The following LRRC74A variants were observed in gnomAD, a reference collection of about 807,000 sequenced individuals.
The protein encoded by LRRC74A is leucine rich repeat containing 74A.
LRRC74A carries 44 observed loss-of-function variants against 57.9 expected under a neutral mutation model. That is an observed-to-expected ratio of 0.76 (90% CI 0.60 to 0.98). LRRC74A has a LOEUF of 0.98. Ranked by LOEUF, LRRC74A falls within the 50% of genes least tolerant of loss-of-function variation. The probability of loss-of-function intolerance (pLI) is 0.00; values close to 1 mark genes in which losing one functional copy is unlikely to be tolerated. For missense variants in LRRC74A, 572 were observed against 574.0 expected, an observed-to-expected ratio of 1.00 and a Z score of 0.04; for synonymous variants, 211 against 219.4, an observed-to-expected ratio of 0.96 and a Z score of 0.34.
rs1895951916 is a variant in LRRC74A, at chr14:76,831,281, C to G, written c.245C>G (p.Ser82Cys). The G allele has an allele frequency of 5.6e-6, 9 of 1,614,054 alleles. No individual in the cohort carries two copies. Among genetic ancestry groups the G allele is most frequent in the Non-Finnish European group, 6.8e-6 (8 of 1,179,898 alleles). ...AAGCTGATGGGTGTAGTGCCTGTCT[C>G]CTACTTCATTCGGAACATGGAGGAG... ...ACKLMGVVPVSYFIRNMEESY... is the reference protein window; with the variant it reads ...ACKLMGVVPVCYFIRNMEESY... Residue 82 changes from serine (S) to cysteine (C), a missense_variant, in exon 3 of 14, where the codon TCC (serine) becomes TGC (cysteine). Coordinates refer to ENST00000689127, the MANE Select transcript of LRRC74A (RefSeq NM_001385106.1).
intron 5 of LRRC74A, among the ~76,000 whole-genome samples, chr14:76,838,799 C>A (rs1595355929): frequency 6.6e-6 from 1 of 152,202 alleles, no homozygotes; most frequent in South Asian, 2.1e-4. Context: ...CCCCATCTCA[C>A]CATGTTGTCC....
At chr14:76,848,833 T>C (rs1269974934) in intron 7 of LRRC74A, among the ~76,000 whole-genome samples, 1 of 152,180 alleles carries the variant, frequency 6.6e-6, no homozygotes, top group East Asian at 1.9e-4. Context: ...CGGAGCTCGC[T>C]GGCCTGAGAG....
At chr14:76,869,606 G>C (rs1233987718) in intron 13 of LRRC74A, among the ~76,000 whole-genome samples, 1 of 151,820 alleles carries the variant, frequency 6.6e-6, no homozygotes, top group Non-Finnish European at 1.5e-5. Flanking sequence ...ACAAAACTTA[G>C]TGAAAATTAG....
At chr14:76,861,341 G>A (rs1214530132) in intron 11 of LRRC74A, among the ~76,000 whole-genome samples, 1 of 152,192 alleles carries the variant, frequency 6.6e-6, no homozygotes, top group Non-Finnish European at 1.5e-5. Flanking sequence ...AGACATCCCT[G>A]CGGTCAGGAT....
intron 11 of LRRC74A, among the ~76,000 whole-genome samples, chr14:76,865,170 G>C (rs1038444340): frequency 6.6e-6 from 1 of 152,188 alleles, no homozygotes; most frequent in Non-Finnish European, 1.5e-5. Context: ...ACACAGGTTT[G>C]AACTGTGCCA....
At chr14:76,869,053 TC>T (rs1261868853) in intron 13 of LRRC74A, among the ~76,000 whole-genome samples, 1 of 151,294 alleles carries the variant, frequency 6.6e-6, no homozygotes, top group African/African-American at 2.4e-5. Flanking sequence ...CCTGTGCTGC[TC>T]AGCGGCCTGT....
rs774835538 is a variant in LRRC74A, at chr14:76,831,330, C to T, written c.294C>T (p.His98=). 15 of 1,613,802 alleles carry T rather than the reference C, an allele frequency of 9.3e-6. No homozygotes were observed. Among genetic ancestry groups the T allele is most frequent in the East Asian group, 6.7e-5 (3 of 44,900 alleles). The part of the protein sequence containing the change: ...MEESYVNLNH[H]GLGPRGTKAI... The stretch of plus-strand genomic sequence containing the variant: ...AGTCCTACGTGAACCTCAACCACCA[C>T]GGCCTGGGCCCCAGGGGTACCAAGG... Residue 98 remains histidine (H), a synonymous_variant, in exon 3 of 14, where the codon CAC becomes CAT. Transcript: ENST00000689127.
chr14:76,838,057 A>ATT, intron 5 of LRRC74A, 86 bp downstream of exon 5: 6 of 888,430 alleles, frequency 6.8e-6, no homozygotes, highest in Non-Finnish European at 8.8e-6. Flanking sequence ...GTCTCATTGA[A>ATT]CCAGACCATG....
At chr14:76,860,430 G>A (rs1368819856) in intron 10 of LRRC74A, among the ~76,000 whole-genome samples, 1 of 152,224 alleles carries the variant, frequency 6.6e-6, no homozygotes, top group East Asian at 1.9e-4. Flanking sequence ...GATGCCATTT[G>A]AGAGTGGAGC....
intron 11 of LRRC74A, among the ~76,000 whole-genome samples, chr14:76,864,560 G>GT (rs1898616967): frequency 6.6e-6 from 1 of 152,092 alleles, no homozygotes; most frequent in Non-Finnish European, 1.5e-5. Flanking sequence ...AAAGAATATT[G>GT]TAATATTGTA....
chr14:76,831,490 T>C (rs1310729192), intron 3 of LRRC74A, 115 bp downstream of exon 3: 38 of 1,128,896 alleles, frequency 3.4e-5, no homozygotes, highest in Non-Finnish European at 4.6e-5. Context: ...CTTTATGCCC[T>C]TATGCCACAC....
At chr14:76,828,981 T>C in intron 2 of LRRC74A, 2 of 1,285,610 alleles carry the variant, frequency 1.6e-6, no homozygotes, top group South Asian at 1.2e-5. Context: ...AGCTCTGGTT[T>C]CCCCTACTTT....
chr14:76,853,050 A>C (rs1897620399), intron 8 of LRRC74A, among the ~76,000 whole-genome samples, 166 bp from the exon 9 acceptor site: 1 of 152,182 alleles, frequency 6.6e-6, no homozygotes, highest in Non-Finnish European at 1.5e-5. Context: ...TGAGTACTTG[A>C]GACTGAGCCC....
rs781495623 is a variant in LRRC74A at position 76,831,306 on chromosome 14, G to A, written c.270G>A (p.Glu90=). 1 of 1,614,038 alleles carries A rather than the reference G, an allele frequency of 6.2e-7. No homozygotes were observed. The highest frequency in any genetic ancestry group is 8.5e-7 in the Non-Finnish European group (1 of 1,179,898). ...PVSYFIRNME[E]SYVNLNHHGL... Reference sequence around the variant, plus strand: ...CCTACTTCATTCGGAACATGGAGGAGTCCTACGTGAACCTCAACCACCACG... The same window carrying A: ...CCTACTTCATTCGGAACATGGAGGAATCCTACGTGAACCTCAACCACCACG... The change falls in exon 3 of 14, where the codon GAG becomes GAA. Residue 90 remains glutamate (E), a synonymous_variant. Transcript: ENST00000689127.
intron 4 of LRRC74A, among the ~76,000 whole-genome samples, chr14:76,837,014 T>C (rs1168112379): frequency 6.6e-6 from 1 of 150,418 alleles, no homozygotes; most frequent in Non-Finnish European, 1.5e-5. Context: ...TGGTGGTGTG[T>C]GCCTGTAATC....
intron 11 of LRRC74A, 125 bp from the exon 12 acceptor site, chr14:76,865,843 C>A: frequency 1.3e-6 from 1 of 746,264 alleles, no homozygotes; most frequent in Non-Finnish European, 2.2e-6. Flanking sequence ...TCACCTTGGC[C>A]TTCTGCCCTT....
intron 7 of LRRC74A, among the ~76,000 whole-genome samples, chr14:76,850,718 A>C (rs1897398197): frequency 6.6e-6 from 1 of 152,024 alleles, no homozygotes; most frequent in South Asian, 2.1e-4. Context: ...AATACAAAAA[A>C]TTAGCTGGGC....
chr14:76,836,424 C>T (rs1896341704), intron 4 of LRRC74A, 110 bp downstream of exon 4: 4 of 672,500 alleles, frequency 5.9e-6, no homozygotes, highest in East Asian at 2.8e-5. Flanking sequence ...GGCTCCTGCC[C>T]GCCCCTGCCC....
At chr14:76,844,255 C>T (rs935417257) in intron 5 of LRRC74A, among the ~76,000 whole-genome samples, 168 bp from the exon 6 acceptor site, 7 of 152,208 alleles carry the variant, frequency 4.6e-5, no homozygotes, top group South Asian at 4.1e-4. Context: ...CTCCCACTTC[C>T]GCCTCCCAAA....
Sources: gnomAD v4.1 joint callset for allele counts (sites outside exome capture counted in the v4.1 genomes callset) on GRCh38, gnomAD v4.1.1 for gene constraint, MANE v1.5 for transcripts, NCBI Gene and HGNC (gene_info 2026-07-23, HGNC 2026-07-21) for gene names.